The following CNTN5 variants were observed in gnomAD, a reference collection of about 807,000 sequenced individuals.
The protein encoded by CNTN5 is contactin 5.
A neutral mutation model predicts 129.1 loss-of-function variants in CNTN5; 77 were observed. That is an observed-to-expected ratio of 0.60 (90% CI 0.50 to 0.72). The LOEUF (loss-of-function observed/expected upper bound fraction) is 0.72. CNTN5 is among the 30% of genes least tolerant of loss of function. CNTN5 has a pLI of 0.00. For synonymous variants in CNTN5, 509 were observed against 465.6 expected (o/e 1.09, Z -1.20); for missense variants, 1,478 against 1,328.8 (o/e 1.11, Z -1.75).
intron 2 of CNTN5, among the ~76,000 whole-genome samples, chr11:99,469,878 A>G (rs111545154): frequency 0.012 from 1,832 of 152,282 alleles, 37 homozygotes; most frequent in African/African-American, 0.041. Context: ...TAGTCTCTAA[A>G]GTTTCTCCTA....
intron 1 of CNTN5, among the ~76,000 whole-genome samples, chr11:99,227,359 C>CAA (rs879915550): frequency 8.8e-6 from 1 of 114,114 alleles, no homozygotes; most frequent in Admixed American, 9.2e-5. Flanking sequence ...GAATCTGTCT[C>CAA]AAAAAAAAAA....
At chr11:100,155,635 A>G (rs1168701466) in intron 13 of CNTN5, among the ~76,000 whole-genome samples, 4 of 152,066 alleles carry the variant, frequency 2.6e-5, no homozygotes, top group African/African-American at 9.7e-5. Context: ...CACAATATTG[A>G]TTCTTCCTAT....
At chr11:100,043,552 G>C (rs892740846) in intron 9 of CNTN5, among the ~76,000 whole-genome samples, 1 of 152,160 alleles carries the variant, frequency 6.6e-6, no homozygotes, top group African/African-American at 2.4e-5. Context: ...TAAACTTGCA[G>C]TTGCTTTCTT....
At chr11:99,783,750 C>T (rs1440309153) in intron 3 of CNTN5, among the ~76,000 whole-genome samples, 1 of 149,458 alleles carries the variant, frequency 6.7e-6, no homozygotes, top group African/African-American at 2.5e-5. Flanking sequence ...TATTCTCACT[C>T]ATAGGTGGGA....
intron 1 of CNTN5, among the ~76,000 whole-genome samples, chr11:99,136,053 A>T (rs1465560171): frequency 6.6e-6 from 1 of 152,180 alleles, no homozygotes; most frequent in Non-Finnish European, 1.5e-5. Context: ...AAACACTTTA[A>T]GTTCCTATTC....
At chr11:99,985,598 T>C (rs1325304952) in intron 8 of CNTN5, among the ~76,000 whole-genome samples, 2 of 152,160 alleles carry the variant, frequency 1.3e-5, no homozygotes, top group East Asian at 3.9e-4. Flanking sequence ...GTTTTCACTT[T>C]GGGCCATGGG....
chr11:99,134,274 C>T (rs901478886), intron 1 of CNTN5, among the ~76,000 whole-genome samples: 4 of 151,950 alleles, frequency 2.6e-5, no homozygotes, highest in Admixed American at 2.0e-4. Context: ...GCAGGGAGGG[C>T]ATTAGGGAAA....
intron 9 of CNTN5, among the ~76,000 whole-genome samples, chr11:100,017,016 G>A (rs1940860703): frequency 6.6e-6 from 1 of 151,790 alleles, no homozygotes. Flanking sequence ...GTCTGCTGCT[G>A]CTTTATGGTA....
At chr11:100,268,803 CA>C (rs1297431595) in intron 17 of CNTN5, among the ~76,000 whole-genome samples, 1 of 152,042 alleles carries the variant, frequency 6.6e-6, no homozygotes, top group African/African-American at 2.4e-5. Context: ...TGGAGTGAGA[CA>C]GGGGAGAAAG....
At chr11:99,158,220 C>T (rs950059838) in intron 1 of CNTN5, among the ~76,000 whole-genome samples, 3 of 152,150 alleles carry the variant, frequency 2.0e-5, no homozygotes, top group African/African-American at 7.2e-5. Flanking sequence ...GAGCTCTTGA[C>T]ATTCCGCTCC....
chr11:99,987,974 T>C (rs1938800583), intron 8 of CNTN5, among the ~76,000 whole-genome samples: 1 of 152,242 alleles, frequency 6.6e-6, no homozygotes, highest in African/African-American at 2.4e-5. Context: ...GTTCAGTTAA[T>C]GTTTATTCCC....
At chr11:100,305,406 C>T (rs1339279946) in intron 20 of CNTN5, among the ~76,000 whole-genome samples, 2 of 151,608 alleles carry the variant, frequency 1.3e-5, no homozygotes, top group Admixed American at 1.3e-4. Flanking sequence ...CACTAACCCT[C>T]ATCGGCCAAC....
intron 8 of CNTN5, among the ~76,000 whole-genome samples, chr11:99,966,326 T>G (rs185335914): frequency 1.3e-5 from 2 of 152,166 alleles, no homozygotes; most frequent in Non-Finnish European, 2.9e-5. Flanking sequence ...AAAAATTGCT[T>G]GTAGGTAGTT....
At chr11:99,749,754 CAA>C (rs1944170198) in intron 3 of CNTN5, among the ~76,000 whole-genome samples, 1 of 152,208 alleles carries the variant, frequency 6.6e-6, no homozygotes, top group East Asian at 1.9e-4. Context: ...TCATCTAGCA[CAA>C]CTCTTAAAGC....
intron 3 of CNTN5, among the ~76,000 whole-genome samples, chr11:99,580,784 C>T (rs1949553954): frequency 7.5e-6 from 1 of 133,334 alleles, no homozygotes; most frequent in Non-Finnish European, 1.6e-5. Flanking sequence ...AAAACCAGCT[C>T]CTGGATTCAT....
chr11:99,659,703 C>A (rs944334095), intron 3 of CNTN5, among the ~76,000 whole-genome samples: 3 of 152,122 alleles, frequency 2.0e-5, no homozygotes, highest in Admixed American at 2.0e-4. Context: ...ATCTTAAGGC[C>A]CTCATAGACT....
intron 10 of CNTN5, among the ~76,000 whole-genome samples, chr11:100,065,510 A>G (rs941342237): frequency 6.6e-6 from 1 of 152,108 alleles, no homozygotes; most frequent in Admixed American, 6.6e-5. Context: ...CTTTACATAC[A>G]TTAACTCACA....
chr11:99,043,976 A>C (rs1864106138), intron 1 of CNTN5, among the ~76,000 whole-genome samples: 1 of 152,212 alleles, frequency 6.6e-6, no homozygotes, highest in Admixed American at 6.5e-5. Context: ...TCCACTGGTT[A>C]TTCAGTCAAC....
intron 1 of CNTN5, among the ~76,000 whole-genome samples, chr11:99,304,346 ATTTCC>A (rs1864779628): frequency 6.6e-6 from 1 of 152,100 alleles, no homozygotes; most frequent in Non-Finnish European, 1.5e-5. Flanking sequence ...AAAAATATAT[ATTTCC>A]TTAGTACACT....
Sources: gnomAD v4.1 joint callset for allele counts (sites outside exome capture counted in the v4.1 genomes callset) on GRCh38, gnomAD v4.1.1 for gene constraint, MANE v1.5 for transcripts, NCBI Gene and HGNC (gene_info 2026-07-23, HGNC 2026-07-21) for gene names.